POLE2: variants seen among roughly 807,000 people sequenced by gnomAD.
POLE2 encodes DNA polymerase epsilon subunit 2.
POLE2 carries 56 observed loss-of-function variants against 79.4 expected under a neutral mutation model. That is an observed-to-expected ratio of 0.71 (90% CI 0.57 to 0.88). The LOEUF (loss-of-function observed/expected upper bound fraction) is 0.88. Among genes scored for constraint, POLE2 ranks in the 40% least tolerant of loss-of-function variants. POLE2 has a pLI of 0.00. For synonymous variants in POLE2, 212 were observed against 214.0 expected (o/e 0.99, Z 0.08); for missense variants, 598 against 638.9 (o/e 0.94, Z 0.69).
chr14:49,654,686 T>C lies in POLE2; in HGVS notation c.1073+98A>G, dbSNP rs540693599. On this transcript the variant is annotated intron_variant, in intron 13 of 18. Transcript: ENST00000216367. ...TTAATTTTCTCAACTTTATCTTTCT[T>C]CCTTAGTTTTGTAATAATTGCTGAT... The C allele has an allele frequency of 3.0e-6, 4 of 1,335,174 alleles. No individual in the cohort carries two copies. In the East Asian group the frequency reaches 1.1e-4, roughly 37 times the overall value. The allele number at this position is 1,335,174 out of a possible 1,614,324, so 82.7% of individuals were successfully genotyped here. A position where few individuals can be genotyped will look rare whatever the true frequency, so the allele number is the denominator to read the frequency against.
intron 2 of POLE2, chr14:49,681,917 G>A (rs1886739179): frequency 6.5e-6 from 1 of 153,348 alleles, no homozygotes; most frequent in Non-Finnish European, 1.5e-5. Context: ...TACCTTCCTG[G>A]GTCACCTTAT....
intron 17 of POLE2, 78 bp downstream of exon 17, chr14:49,650,187 T>G (rs1467027642): frequency 1.3e-5 from 9 of 689,288 alleles, no homozygotes; most frequent in Non-Finnish European, 1.9e-5. Flanking sequence ...ATAATCTTAT[T>G]AAATATATAT....
intron 16 of POLE2, among the ~76,000 whole-genome samples, chr14:49,650,908 G>T (rs1355183003): frequency 6.6e-6 from 1 of 152,122 alleles, no homozygotes; most frequent in Non-Finnish European, 1.5e-5. Context: ...GCACATTCTT[G>T]TGATATGGAC....
Position 49,688,154 on chromosome 14 carries a change from C to A in POLE2, c.50G>T (p.Arg17Leu), listed in dbSNP as rs865807175. The change falls in exon 1 of 19, where the codon CGG becomes CTG. Residue 17 changes from arginine (R) to leucine (L), a missense_variant. Transcript: ENST00000216367. ...RSRALSAFKL[R>L]GLLLRGEAIK... ...CACTCACCCACGGAGCAGCAAGCCCCGCAACTTGAAGGCGGAGAGCGCCCG... is the reference window on the plus strand; with the variant it reads ...CACTCACCCACGGAGCAGCAAGCCCAGCAACTTGAAGGCGGAGAGCGCCCG... 3 of 1,556,768 alleles carry A rather than the reference C, an allele frequency of 1.9e-6. No homozygotes were observed. The highest frequency in any genetic ancestry group is 5.0e-5 in the East Asian group (2 of 39,762).
intron 10 of POLE2, among the ~76,000 whole-genome samples, chr14:49,660,173 A>G (rs1260654005): frequency 6.6e-6 from 1 of 152,236 alleles, no homozygotes; most frequent in Non-Finnish European, 1.5e-5. Flanking sequence ...ACAGTTGCCT[A>G]TAGTATTCAA....
intron 10 of POLE2, among the ~76,000 whole-genome samples, chr14:49,661,387 G>A (rs8009849): frequency 0.22 from 33,580 of 152,030 alleles, 3,957 homozygotes; most frequent in Admixed American, 0.3. Flanking sequence ...CAAAGGTACA[G>A]TAATAATTTT....
At chr14:49,678,573 T>C (rs1012667164) in intron 3 of POLE2, among the ~76,000 whole-genome samples, 1 of 152,130 alleles carries the variant, frequency 6.6e-6, no homozygotes, top group African/African-American at 2.4e-5. Flanking sequence ...GTAACGTCTA[T>C]TTTAGGATAA....
At chr14:49,682,421 G>A (rs1375499397) in intron 2 of POLE2, among the ~76,000 whole-genome samples, 1 of 151,514 alleles carries the variant, frequency 6.6e-6, no homozygotes, top group Non-Finnish European at 1.5e-5. Flanking sequence ...GCGATCACCT[G>A]AAGTTGGCGG....
Position 49,651,288 on chromosome 14 carries a change from T to C in POLE2, c.1301A>G (p.Asn434Ser), listed in dbSNP as rs770729066. Residue 434 changes from asparagine to serine, a missense_variant, in exon 16 of 19, where the codon AAT becomes AGT. By Grantham distance (46) the Asn-to-Ser change is conservative. Transcript: ENST00000216367. ...CRNCVRFPSS[N>S]LAIPNHFVKT... ...ACTTACGTGATTAGGAATAGCCAAATTGCTGCTAGGAAAACGGACGCAGTT... is the reference window on the plus strand; with the variant it reads ...ACTTACGTGATTAGGAATAGCCAAACTGCTGCTAGGAAAACGGACGCAGTT... The C allele has an allele frequency of 4.4e-6, 7 of 1,585,352 alleles. No individual in the cohort carries two copies. The highest frequency in any genetic ancestry group is 1.1e-5 in the South Asian group (1 of 89,808).
intron 10 of POLE2, among the ~76,000 whole-genome samples, chr14:49,659,194 A>C (rs1342109468): frequency 6.6e-6 from 1 of 151,996 alleles, no homozygotes; most frequent in South Asian, 2.1e-4. Context: ...AGGTGGGAGG[A>C]TTGCTTGAGG....
Position 49,675,668 on chromosome 14 carries a change from C to T in POLE2, c.246-1241G>A, listed in dbSNP as rs140994094. On this transcript the variant is annotated intron_variant, in intron 3 of 18. Transcript: ENST00000216367. ...CTCAAACTCCTGACCTCAAGTGATC[C>T]GCCTGCCTCAGCCTCCCAAACTGCT... Among the ~76,000 whole-genome samples, 1,395 of 151,760 alleles carry T rather than the reference C, an allele frequency of 9.2e-3. 21 individuals are homozygous for T. Among genetic ancestry groups the T allele is most frequent in the African/African-American group, 0.031 (1,302 of 41,406 alleles).
intron 3 of POLE2, 84 bp from the exon 4 acceptor site, chr14:49,674,511 T>C: frequency 6.3e-6 from 5 of 798,174 alleles, no homozygotes; most frequent in Non-Finnish European, 1.1e-5. Context: ...ATTATAAGTA[T>C]TTGTAATAAC....
intron 8 of POLE2, 22 bp from the exon 9 acceptor site, chr14:49,664,696 T>A: frequency 6.7e-7 from 1 of 1,488,450 alleles, no homozygotes; most frequent in Non-Finnish European, 9.4e-7. Flanking sequence ...TTGAGGAAAA[T>A]AATTCTATTC....
intron 8 of POLE2, 118 bp downstream of exon 8, chr14:49,664,989 C>T (rs2139650082): frequency 3.0e-6 from 2 of 670,102 alleles, no homozygotes. Flanking sequence ...ATTCCTACAC[C>T]AGCAACATAG....
At chr14:49,667,643 C>A (rs971161092) in intron 6 of POLE2, among the ~76,000 whole-genome samples, 8 of 151,378 alleles carry the variant, frequency 5.3e-5, no homozygotes, top group African/African-American at 1.7e-4. Flanking sequence ...AAACTGGGCT[C>A]AAGTGATCCT....
chr14:49,679,749 C>A lies in POLE2; in HGVS notation c.221G>T (p.Cys74Phe), dbSNP rs758265986. Residue 74 changes from cysteine (C) to phenylalanine (F), a missense_variant, in exon 3 of 19, where the codon TGC becomes TTC. Cys to Phe is a radical substitution (Grantham distance 205, BLOSUM62 -2). Transcript: ENST00000216367. ...CATAGTTTCATCAACAGACTGACTG[C>A]ATTCCTGGACTGCTGCTTCCACCAC... is the stretch of plus-strand genomic sequence containing the variant. ...RSVVEAAVQE[C>F]SQSVDETIEH... 1 of 1,602,334 alleles carries A rather than the reference C, an allele frequency of 6.2e-7. No homozygotes were observed. The highest frequency in any genetic ancestry group is 8.5e-7 in the Non-Finnish European group (1 of 1,169,620).
At chr14:49,676,448 T>C (rs1886280246) in intron 3 of POLE2, among the ~76,000 whole-genome samples, 1 of 152,234 alleles carries the variant, frequency 6.6e-6, no homozygotes, top group Admixed American at 6.5e-5. Context: ...GAGTAAGTTA[T>C]TGAACTTCTC....
intron 3 of POLE2, among the ~76,000 whole-genome samples, chr14:49,678,540 G>A (rs1413834572): frequency 2.6e-5 from 4 of 152,036 alleles, no homozygotes; most frequent in Non-Finnish European, 5.9e-5. Context: ...ATAAATAACA[G>A]GTAACTTTAG....
chr14:49,680,545 T>G (rs956487585), intron 2 of POLE2, among the ~76,000 whole-genome samples: 1 of 152,186 alleles, frequency 6.6e-6, no homozygotes, highest in African/African-American at 2.4e-5. Context: ...GTAGATGTCC[T>G]GTAAGACTGA....
Sources: gnomAD v4.1 joint callset for allele counts (sites outside exome capture counted in the v4.1 genomes callset) on GRCh38, gnomAD v4.1.1 for gene constraint, MANE v1.5 for transcripts, NCBI Gene and HGNC (gene_info 2026-07-23, HGNC 2026-07-21) for gene names.